CACNA2D1: variants seen among roughly 807,000 people sequenced by gnomAD.
The protein encoded by CACNA2D1 is voltage-dependent calcium channel subunit alpha-2/delta-1.
A neutral mutation model predicts 171.5 loss-of-function variants in CACNA2D1; 53 were observed. The observed-to-expected ratio is 0.31, with a 90% CI of 0.25 to 0.39. CACNA2D1 has a LOEUF of 0.39. Among genes scored for constraint, CACNA2D1 ranks in the 10% least tolerant of loss-of-function variants. The pLI, the probability that CACNA2D1 is intolerant of heterozygous loss-of-function variation, is 1.00. For missense variants in CACNA2D1, 903 were observed against 1,299.8 expected (o/e 0.69, Z 4.69); for synonymous variants, 442 against 443.1 (o/e 1.00, Z 0.03).
intron 2 of CACNA2D1, among the ~76,000 whole-genome samples, chr7:82,347,268 A>G (rs955865820): frequency 2.0e-5 from 3 of 152,080 alleles, no homozygotes; most frequent in Admixed American, 2.0e-4. Flanking sequence ...TTGCAAAAAT[A>G]TATTACTATT....
chr7:81,967,082 C>T (rs1794778495), intron 31 of CACNA2D1, 87 bp downstream of exon 31: 2 of 898,720 alleles, frequency 2.2e-6, no homozygotes, highest in East Asian at 2.6e-5. Flanking sequence ...TTAAAAAATT[C>T]CTGCATATTT....
intron 3 of CACNA2D1, among the ~76,000 whole-genome samples, chr7:82,176,542 TTC>T (rs2129160404): frequency 6.6e-6 from 1 of 151,956 alleles, no homozygotes; most frequent in African/African-American, 2.4e-5. Context: ...TCTGAAAAGG[TTC>T]TGTTAGCTAA....
intron 1 of CACNA2D1, among the ~76,000 whole-genome samples, chr7:82,371,719 C>T (rs1269971644): frequency 2.6e-5 from 4 of 152,020 alleles, no homozygotes; most frequent in Non-Finnish European, 4.4e-5. Flanking sequence ...GGACTATAGG[C>T]GCACACCACC....
chr7:82,301,205 C>A (rs1003959503), intron 3 of CACNA2D1, among the ~76,000 whole-genome samples: 11 of 152,180 alleles, frequency 7.2e-5, no homozygotes, highest in Admixed American at 5.9e-4. Flanking sequence ...CAGCTCACCG[C>A]AAACTCTGCC....
At chr7:82,369,130 T>C (rs76096310) in intron 1 of CACNA2D1, among the ~76,000 whole-genome samples, 2,507 of 152,214 alleles carry the variant, frequency 0.016, 22 homozygotes, top group South Asian at 0.04. Flanking sequence ...TAGGATGCTA[T>C]AAAATTTACA....
rs532800322 is a variant in CACNA2D1, at chr7:82,066,389, G to A, written c.728+66C>T. ...ACTCATCCTAATAATAAAAAATTCT[G>A]ACTTTTTAGCAAATATATATCTTCT... On this transcript the variant is annotated intron_variant, in intron 8 of 38. Transcript: ENST00000356860. 39 of 1,580,780 alleles carry A rather than the reference G, an allele frequency of 2.5e-5. 1 individual carries two copies. In the African/African-American group the frequency reaches 4.3e-4, roughly 18 times the overall value.
At chr7:82,306,328 T>A (rs2129429745) in intron 3 of CACNA2D1, among the ~76,000 whole-genome samples, 1 of 152,332 alleles carries the variant, frequency 6.6e-6, no homozygotes, top group African/African-American at 2.4e-5. Flanking sequence ...GTTCTGAATT[T>A]GCCAACCTCT....
chr7:82,416,464 G>C (rs1353735954), intron 1 of CACNA2D1, among the ~76,000 whole-genome samples: 1 of 152,032 alleles, frequency 6.6e-6, no homozygotes, highest in Non-Finnish European at 1.5e-5. Flanking sequence ...TCAGGGTTCA[G>C]GACACTAGAA....
At chr7:82,192,600 A>G (rs1399871299) in intron 3 of CACNA2D1, among the ~76,000 whole-genome samples, 1 of 151,552 alleles carries the variant, frequency 6.6e-6, no homozygotes, top group African/African-American at 2.4e-5. Flanking sequence ...AGTGAAGAAA[A>G]CAGAAATTAA....
chr7:82,359,112 C>T (rs887972190), intron 1 of CACNA2D1, among the ~76,000 whole-genome samples: 7 of 152,032 alleles, frequency 4.6e-5, no homozygotes, highest in Non-Finnish European at 7.4e-5. Flanking sequence ...TGATGCCAGC[C>T]GAGGTGTCCC....
chr7:82,427,193 C>A (rs1035549793), intron 1 of CACNA2D1, among the ~76,000 whole-genome samples: 1 of 152,108 alleles, frequency 6.6e-6, no homozygotes, highest in Admixed American at 6.5e-5. Context: ...TGCCTTAGCA[C>A]AATTTGGATG....
At chr7:82,326,852 A>T (rs1443980072) in intron 3 of CACNA2D1, among the ~76,000 whole-genome samples, 1 of 108,640 alleles carries the variant, frequency 9.2e-6, no homozygotes, top group East Asian at 2.3e-4. Context: ...AAATACTTCA[A>T]CTACCATTGA....
chr7:82,275,601 T>G (rs1809215036), intron 3 of CACNA2D1, among the ~76,000 whole-genome samples: 1 of 152,094 alleles, frequency 6.6e-6, no homozygotes, highest in Admixed American at 6.6e-5. Context: ...AAACACCATC[T>G]ATCTGGCTTT....
intron 3 of CACNA2D1, among the ~76,000 whole-genome samples, chr7:82,261,207 G>C (rs1225958724): frequency 2.0e-5 from 3 of 152,216 alleles, no homozygotes; most frequent in Non-Finnish European, 4.4e-5. Flanking sequence ...TGCCCGCCTC[G>C]GCCTCCCACA....
chr7:82,016,426 A>C (rs1244767648), intron 12 of CACNA2D1, among the ~76,000 whole-genome samples: 1 of 152,146 alleles, frequency 6.6e-6, no homozygotes, highest in African/African-American at 2.4e-5. Flanking sequence ...ACAATCATCT[A>C]GTAAAACATT....
chr7:82,310,094 C>T (rs913684595), intron 3 of CACNA2D1, among the ~76,000 whole-genome samples: 1 of 151,840 alleles, frequency 6.6e-6, no homozygotes, highest in Non-Finnish European at 1.5e-5. Context: ...ATATTTAGAT[C>T]TGTCAATTAA....
intron 11 of CACNA2D1, 63 bp from the exon 12 acceptor site, chr7:82,032,964 G>A (rs1268102551): frequency 4.3e-6 from 4 of 923,084 alleles, no homozygotes; most frequent in Non-Finnish European, 7.1e-6. Context: ...AGAAAATAAA[G>A]CTATATGGAA....
At chr7:82,387,614 G>T (rs1242224613) in intron 1 of CACNA2D1, among the ~76,000 whole-genome samples, 1 of 152,078 alleles carries the variant, frequency 6.6e-6, no homozygotes, top group African/African-American at 2.4e-5. Flanking sequence ...GAAAACACCC[G>T]ATTTTATGAT....
At chr7:82,032,208 T>C (rs896290962) in intron 12 of CACNA2D1, among the ~76,000 whole-genome samples, 7 of 151,958 alleles carry the variant, frequency 4.6e-5, no homozygotes, top group African/African-American at 1.7e-4. Flanking sequence ...ATATTCCAAC[T>C]ACAAACACTA....
Sources: allele counts gnomAD v4.1 joint callset (sites outside exome capture counted in the v4.1 genomes callset), GRCh38; gene constraint gnomAD v4.1.1; transcripts MANE v1.5; gene names NCBI Gene and HGNC (gene_info 2026-07-23, HGNC 2026-07-21).